The following ZNF600 variants were observed in gnomAD, a reference collection of about 807,000 sequenced individuals.
The protein encoded by ZNF600 is zinc finger protein KR-ZNF1.
A neutral mutation model predicts 7.3 loss-of-function variants in ZNF600; 4 were observed. That is an observed-to-expected ratio of 0.55 (90% confidence interval 0.27 to 1.25). The LOEUF is 1.25. Among genes scored for constraint, ZNF600 ranks in the 50% most tolerant of loss-of-function variants. ZNF600 has a pLI of 0.12. For missense variants in ZNF600, 911 were observed against 922.1 expected, an observed-to-expected ratio of 0.99 and a Z score of 0.16; for synonymous variants, 290 against 308.9, an observed-to-expected ratio of 0.94 and a Z score of 0.64.
upstream of ZNF600, among the ~76,000 whole-genome samples, chr19:52,790,684 T>C (rs1362671227): frequency 3.7e-5 from 2 of 53,692 alleles, no homozygotes; most frequent in African/African-American, 2.2e-4. Context: ...TCTCTCTCCT[T>C]TTTTTTTTTT....
chr19:52,809,724 T>TA, the ZNF600 span: 1 of 404,070 alleles, frequency 2.5e-6, no homozygotes, highest in Non-Finnish European at 4.4e-6. Flanking sequence ...CAAAACGCTT[T>TA]AACCCAGGAG....
chr19:52,830,685 TACTC>T, the ZNF600 span, among the ~76,000 whole-genome samples: 2 of 151,860 alleles, frequency 1.3e-5, no homozygotes, highest in African/African-American at 2.4e-5. Flanking sequence ...GGTCTTGACT[TACTC>T]AGGGAGAGTA....
chr19:52,801,137 G>T, the ZNF600 span: 5 of 1,613,968 alleles, frequency 3.1e-6, no homozygotes, highest in Admixed American at 8.3e-5. Context: ...CTTCTAAGTG[G>T]GTTATCTGAT....
chr19:52,782,579 TAAC>T (rs1358943464), intron 1 of ZNF600, among the ~76,000 whole-genome samples: 2 of 148,684 alleles, frequency 1.3e-5, no homozygotes, highest in Admixed American at 1.3e-4. Flanking sequence ...AATTAAAAAA[TAAC>T]AACTAATGAG....
At chr19:52,799,818 G>T in the ZNF600 span, 7 of 1,613,930 alleles carry the variant, frequency 4.3e-6, no homozygotes, top group Non-Finnish European at 3.4e-6. Context: ...TGCAAGGTGT[G>T]CTTGTTGATT....
At chr19:52,780,330 T>C (rs941653916) in intron 1 of ZNF600, among the ~76,000 whole-genome samples, 3 of 152,052 alleles carry the variant, frequency 2.0e-5, no homozygotes, top group Admixed American at 1.3e-4. Context: ...CCGGAGAAGA[T>C]GATATCAGAA....
the ZNF600 span, among the ~76,000 whole-genome samples, chr19:52,832,888 C>T: frequency 6.6e-6 from 1 of 152,094 alleles, no homozygotes; most frequent in African/African-American, 2.4e-5. Context: ...TCTCCTGCCT[C>T]AGCCTCCTGA....
the ZNF600 span, among the ~76,000 whole-genome samples, chr19:52,808,402 T>C: frequency 3.9e-5 from 6 of 152,178 alleles, no homozygotes; most frequent in Admixed American, 1.3e-4. Context: ...TTGAAACTTT[T>C]ATAGACACAC....
chr19:52,801,763 T>C, the ZNF600 span: 12 of 1,422,734 alleles, frequency 8.4e-6, no homozygotes, highest in South Asian at 5.5e-5. Context: ...AATACTGAAA[T>C]GTGTAAATAT....
intron 1 of ZNF600, 116 bp from the exon 3 acceptor site, chr19:52,781,171 T>TA (rs1305962900): frequency 4.3e-5 from 6 of 140,470 alleles, no homozygotes; most frequent in South Asian, 2.1e-4. Flanking sequence ...TTTTTTTTTT[T>TA]TAATATTTGG....
the ZNF600 span, chr19:52,799,814 G>A: frequency 6.2e-7 from 1 of 1,613,542 alleles, no homozygotes; most frequent in Non-Finnish European, 8.5e-7. Flanking sequence ...GCTGTGCAAG[G>A]TGTGCTTGTT....
chr19:52,811,439 G>A, the ZNF600 span, among the ~76,000 whole-genome samples: 3 of 147,700 alleles, frequency 2.0e-5, no homozygotes, highest in African/African-American at 5.2e-5. Context: ...TCCCATCTAG[G>A]AAGCGAGGAG....
the ZNF600 span, among the ~76,000 whole-genome samples, chr19:52,832,917 A>G: frequency 6.6e-6 from 1 of 152,040 alleles, no homozygotes; most frequent in African/African-American, 2.4e-5. Flanking sequence ...GATTACAGGC[A>G]TGAGCCACGA....
intron 1 of ZNF600, among the ~76,000 whole-genome samples, chr19:52,783,438 T>C (rs2062739375): frequency 6.6e-6 from 1 of 152,146 alleles, no homozygotes; most frequent in Admixed American, 6.5e-5. Flanking sequence ...CTCGGCTCAC[T>C]GCAAGCTCCG....
In ZNF600 at chr19:52,766,000, C is replaced by T. The variant is rs141054732; in HGVS notation, c.1963G>A (p.Val655Ile). Residue 655 changes from valine (V) to isoleucine (I), a missense_variant, in exon 4 of 4, where the codon GTT becomes ATT. Transcript: ENST00000648973. ...TTACGCACGAAAGCCTTGTCACAAA[C>T]CGTACATTTGTAAGATTTCTCTCCA... 7.9e-5 allele frequency: 127 copies of T among 1,614,138 alleles called. No individual in the cohort carries two copies. The African/African-American group carries it at 1.1e-3, about 13-fold the overall frequency.
At chr19:52,800,361 T>C in the ZNF600 span, 113 of 1,614,038 alleles carry the variant, frequency 7.0e-5, no homozygotes, top group Non-Finnish European at 8.9e-5. Flanking sequence ...CTTACATTTG[T>C]ATGGTTTCTC....
At chr19:52,804,196 C>T in the ZNF600 span, among the ~76,000 whole-genome samples, 1 of 152,204 alleles carries the variant, frequency 6.6e-6, no homozygotes, top group Non-Finnish European at 1.5e-5. Context: ...AGGCTGTCAC[C>T]AGGAACCAAT....
exon 4 of ZNF600, chr19:52,766,530 C>T (rs1416335371): frequency 6.2e-7 from 1 of 1,613,974 alleles, no homozygotes. Context: ...TTTTCCTCCA[C>T]TATGAATTCT....
chr19:52,801,223 C>T, the ZNF600 span: 1 of 1,613,974 alleles, frequency 6.2e-7, no homozygotes, highest in African/African-American at 1.3e-5. Flanking sequence ...CTCATGTGTA[C>T]ATTCCGTTTT....
Sources: allele counts gnomAD v4.1 joint callset (sites outside exome capture counted in the v4.1 genomes callset), GRCh38; gene constraint gnomAD v4.1.1; transcripts MANE v1.5; gene names NCBI Gene and HGNC (gene_info 2026-07-23, HGNC 2026-07-21).